The following TOPBP1 variants were observed in gnomAD, a reference collection of about 807,000 sequenced individuals.
TOPBP1 encodes the protein DNA topoisomerase II binding protein 1, also known as DNA topoisomerase 2-binding protein 1.
Under a neutral mutation model 167.7 loss-of-function variants are expected in TOPBP1, and 28 were observed. The ratio of observed to expected loss-of-function variants is 0.17; its 90% CI spans 0.12 to 0.23. TOPBP1 has a LOEUF of 0.23. Ranked by LOEUF, TOPBP1 falls within the 10% of genes least tolerant of loss-of-function variation. TOPBP1 has a pLI of 1.00. For synonymous variants in TOPBP1, 598 were observed against 611.4 expected, an observed-to-expected ratio of 0.98 and a Z score of 0.32; for missense variants, 1,554 against 1,809.6, an observed-to-expected ratio of 0.86 and a Z score of 2.56.
rs1207813070 is a variant in TOPBP1 at position 133,649,624 on chromosome 3, T to C, written c.1263A>G (p.Val421=). 19 of 1,613,224 alleles carry C rather than the reference T, an allele frequency of 1.2e-5. No homozygotes were observed. The highest frequency in any genetic ancestry group is 1.5e-5 in the Non-Finnish European group (18 of 1,179,612). Residue 421 remains valine (V), a synonymous_variant, in exon 10 of 28, where the codon GTA becomes GTG. Transcript: ENST00000260810. ...ACTCTAGCAACCACTTTGCTCCCAC[T>C]ACATGAGGCCTACAAAAATAGCACA... is the stretch of plus-strand genomic sequence containing the variant. ...FWNKSAHRPH[V]VGAKWLLECF...
chr3:133,637,158 G>T (rs1156795689), intron 14 of TOPBP1, among the ~76,000 whole-genome samples: 2 of 151,962 alleles, frequency 1.3e-5, no homozygotes, highest in African/African-American at 4.8e-5. Flanking sequence ...ATATCAACAC[G>T]TGAATGAGTA....
Position 133,620,763 on chromosome 3 carries a change from C to T in TOPBP1, c.3179-416G>A, listed in dbSNP as rs372859840. On this transcript the variant is annotated intron_variant, in intron 19 of 27. Transcript: ENST00000260810. The stretch of plus-strand genomic sequence containing the variant: ...TAATTTTTGTATTTTTTAGTAGAGA[C>T]GCGGTTTCGCCACGTTGGCTAGGCT... Among the ~76,000 whole-genome samples the T allele has an allele frequency of 4.7e-4, 72 of 151,924 alleles. 1 individual carries two copies. The East Asian group carries it at 0.013, about 28-fold the overall frequency.
At chr3:133,623,766 T>G (rs1425017830) in intron 17 of TOPBP1, among the ~76,000 whole-genome samples, 1 of 152,194 alleles carries the variant, frequency 6.6e-6, no homozygotes, top group African/African-American at 2.4e-5. Context: ...TATTGATATG[T>G]TAAATTTTCC....
At chr3:133,609,046 T>TA (rs1934590447) in intron 25 of TOPBP1, 84 bp from the exon 26 acceptor site, 2 of 1,099,386 alleles carry the variant, frequency 1.8e-6, no homozygotes, top group South Asian at 3.0e-5. Context: ...TCTGTAGACT[T>TA]AGTTTTGTCA....
chr3:133,631,613 T>A (rs965387434), intron 14 of TOPBP1, among the ~76,000 whole-genome samples: 1 of 152,144 alleles, frequency 6.6e-6, no homozygotes, highest in Non-Finnish European at 1.5e-5. Flanking sequence ...GGGGGCGGAT[T>A]TCCCCCTTGC....
chr3:133,617,069 G>T, intron 22 of TOPBP1, 91 bp downstream of exon 22: 2 of 1,461,586 alleles, frequency 1.4e-6, no homozygotes, highest in South Asian at 1.4e-5. Flanking sequence ...TTCAACATTT[G>T]ATGAAGCCTT....
At chr3:133,653,026 G>C (rs1936354840) in intron 7 of TOPBP1, among the ~76,000 whole-genome samples, 2 of 152,120 alleles carry the variant, frequency 1.3e-5, no homozygotes. Context: ...GTAAATTAAG[G>C]AAAGATTAAT....
chr3:133,618,107 T>C, intron 21 of TOPBP1, 106 bp downstream of exon 21: 1 of 942,374 alleles, frequency 1.1e-6, no homozygotes, highest in Non-Finnish European at 1.6e-6. Flanking sequence ...GAAGTTTTTT[T>C]TGTTTGCACA....
chr3:133,639,895 C>G, intron 13 of TOPBP1, 64 bp downstream of exon 13: 1 of 1,510,002 alleles, frequency 6.6e-7, no homozygotes, highest in Non-Finnish European at 9.0e-7. Flanking sequence ...AGCATTGGCA[C>G]ATTTATATCC....
At chr3:133,643,538 G>GTA (rs780882496) in intron 11 of TOPBP1, among the ~76,000 whole-genome samples, 166 bp from the exon 12 acceptor site, 27 of 152,174 alleles carry the variant, frequency 1.8e-4, no homozygotes, top group East Asian at 3.9e-4. Context: ...TAATGTTAGA[G>GTA]TATATATATA....
intron 22 of TOPBP1, 91 bp downstream of exon 22, chr3:133,617,069 G>C: frequency 6.8e-7 from 1 of 1,461,592 alleles, no homozygotes; most frequent in Non-Finnish European, 9.2e-7. Flanking sequence ...TTCAACATTT[G>C]ATGAAGCCTT....
At chr3:133,622,253 T>C (rs1420097403) in intron 19 of TOPBP1, among the ~76,000 whole-genome samples, 3 of 144,326 alleles carry the variant, frequency 2.1e-5, no homozygotes. Context: ...TGCAATGGCA[T>C]GATCTCGGCT....
intron 12 of TOPBP1, among the ~76,000 whole-genome samples, chr3:133,641,716 A>G (rs1198808426): frequency 6.6e-6 from 1 of 152,150 alleles, no homozygotes. Flanking sequence ...AATTTGCATG[A>G]CTTTCCTGCT....
chr3:133,652,453 A>G lies in TOPBP1; in HGVS notation c.1089+10T>C, dbSNP rs777460188. On this transcript the variant is annotated intron_variant, in intron 8 of 27. Coordinates refer to ENST00000260810, the MANE Select transcript of TOPBP1 (RefSeq NM_007027.4). ...TCATCTACTGCATGTATTATATAAT[A>G]AAGACGTACCCGACAACCATCTAAT... The G allele has an allele frequency of 1.7e-5, 27 of 1,610,934 alleles. No individual in the cohort carries two copies. The highest frequency in any genetic ancestry group is 4.5e-4 in the Middle Eastern group (2 of 4,458).
rs564470701 is a variant in TOPBP1 at position 133,624,035 on chromosome 3, A to G, written c.2928+17T>C. ...TTTTCAATTAACAGAGATGGGGGGG[A>G]AAAAAGCACTGCTTACATCTAAAAG... On this transcript the variant is annotated intron_variant, in intron 17 of 27. Transcript: ENST00000260810. 90 of 1,595,094 alleles carry G rather than the reference A, an allele frequency of 5.6e-5. No individual in the cohort carries two copies. The highest frequency in any genetic ancestry group is 6.0e-5 in the Non-Finnish European group (70 of 1,171,330).
In TOPBP1 at chr3:133,617,196, G is replaced by T. The variant is rs761397685; in HGVS notation, c.3723C>A (p.Leu1241=). ...TPQAPSIAFP[L]ANPPVAPHPR... ...GGTGCGGAGCCACAGGGGGGTTGGCGAGTGGAAAGGCAATACTGGGGGCTT... is the reference window on the plus strand; with the variant it reads ...GGTGCGGAGCCACAGGGGGGTTGGCTAGTGGAAAGGCAATACTGGGGGCTT... Residue 1241 remains leucine, a synonymous_variant, in exon 22 of 28, where the codon CTC becomes CTA. Transcript: ENST00000260810. 7 of 1,613,454 alleles carry T rather than the reference G, an allele frequency of 4.3e-6. No homozygotes were observed. The East Asian group carries it at 1.6e-4, about 36-fold the overall frequency.
At chr3:133,618,549 A>G in intron 20 of TOPBP1, 116 bp from the exon 21 acceptor site, 1 of 784,506 alleles carries the variant, frequency 1.3e-6, no homozygotes, top group Non-Finnish European at 2.0e-6. Flanking sequence ...CATCTAGCAC[A>G]CAGTATGCAT....
chr3:133,648,923 T>G (rs578142062), intron 10 of TOPBP1, among the ~76,000 whole-genome samples: 57 of 151,740 alleles, frequency 3.8e-4, no homozygotes, highest in Non-Finnish European at 6.9e-4. Flanking sequence ...TTGGCTATAT[T>G]AGGTATTTTA....
At chr3:133,627,341 A>ATAGTAGCC (rs1343913045) in intron 16 of TOPBP1, among the ~76,000 whole-genome samples, 1 of 151,998 alleles carries the variant, frequency 6.6e-6, no homozygotes, top group Admixed American at 6.6e-5. Context: ...ATATACACAC[A>ATAGTAGCC]CCCCTTGTAG....
Sources: gnomAD v4.1 joint callset for allele counts (sites outside exome capture counted in the v4.1 genomes callset) on GRCh38, gnomAD v4.1.1 for gene constraint, MANE v1.5 for transcripts, NCBI Gene and HGNC (gene_info 2026-07-23, HGNC 2026-07-21) for gene names.